PPFIA2: variants seen among roughly 807,000 people sequenced by gnomAD.
The protein encoded by PPFIA2 is PPFI scaffold protein A2.
In PPFIA2, 46 loss-of-function variants were observed where a neutral mutation model predicts 175.5. That is an observed-to-expected ratio of 0.26 (90% CI 0.21 to 0.34). The LOEUF (loss-of-function observed/expected upper bound fraction) is 0.34, where lower values mean the gene tolerates loss of function less well. PPFIA2 is among the 10% of genes least tolerant of loss of function. The pLI is 1.00. For synonymous variants in PPFIA2, 568 were observed against 511.4 expected (o/e 1.11, Z -1.49); for missense variants, 1,179 against 1,506.1 (o/e 0.78, Z 3.60).
chr12:81,733,665 T>C (rs1843469113), intron 3 of PPFIA2, among the ~76,000 whole-genome samples: 1 of 151,728 alleles, frequency 6.6e-6, no homozygotes. Flanking sequence ...GCAATGAATA[T>C]ATTGATCAAC....
At chr12:81,648,474 ATT>A (rs1030777320) in intron 4 of PPFIA2, among the ~76,000 whole-genome samples, 2 of 152,076 alleles carry the variant, frequency 1.3e-5, no homozygotes, top group Non-Finnish European at 2.9e-5. Context: ...TATTAAAACA[ATT>A]TTGAGAAAAT....
intron 4 of PPFIA2, among the ~76,000 whole-genome samples, chr12:81,596,779 G>T (rs2059294323): frequency 6.6e-6 from 1 of 152,050 alleles, no homozygotes; most frequent in African/African-American, 2.4e-5. Flanking sequence ...CTTGCATTTT[G>T]AATCACTGCC....
At chr12:81,735,169 TTTAA>T (rs1230108331) in intron 3 of PPFIA2, among the ~76,000 whole-genome samples, 4 of 151,826 alleles carry the variant, frequency 2.6e-5, no homozygotes, top group Non-Finnish European at 1.5e-5. Flanking sequence ...AGTAAATTTT[TTTAA>T]TTAAATAAAC....
At chr12:81,267,066 T>G in intron 29 of PPFIA2, 46 bp from the exon 30 acceptor site, 1 of 1,383,904 alleles carries the variant, frequency 7.2e-7, no homozygotes, top group Non-Finnish European at 1.0e-6. Context: ...TCACATTTTA[T>G]TTTAAAAATC....
intron 4 of PPFIA2, among the ~76,000 whole-genome samples, chr12:81,662,679 T>G (rs1373243300): frequency 1.3e-5 from 2 of 151,978 alleles, no homozygotes; most frequent in African/African-American, 2.4e-5. Flanking sequence ...GAAAAAGAAG[T>G]AATCCTCCCT....
intron 13 of PPFIA2, 122 bp from the exon 14 acceptor site, chr12:81,367,292 T>A: frequency 1.5e-6 from 1 of 671,902 alleles, no homozygotes; most frequent in Non-Finnish European, 2.1e-6. Context: ...CAGGTATTTC[T>A]TGGTTTCCAT....
At chr12:81,336,888 T>G (rs1464034319) in intron 21 of PPFIA2, among the ~76,000 whole-genome samples, 2 of 152,124 alleles carry the variant, frequency 1.3e-5, no homozygotes, top group Non-Finnish European at 2.9e-5. Context: ...GACATTAAAA[T>G]CATAATCACT....
In PPFIA2 at chr12:81,477,106, G is replaced by A. The variant is rs1338551831; in HGVS notation, c.304-19240C>T. 5.3e-5 allele frequency among the ~76,000 whole-genome samples: 8 copies of A among 152,134 alleles called. No individual in the cohort carries two copies. The South Asian group carries it at 1.0e-3, about 20-fold the overall frequency. ...TCAGGAAAAATAGCTAATGTATGCT[G>A]TGCTTAATACTTAGGTGATGGGTTG... On this transcript the variant is annotated intron_variant, in intron 4 of 32. Transcript: ENST00000549396.
chr12:81,706,062 AC>A (rs1435582234), intron 3 of PPFIA2, among the ~76,000 whole-genome samples: 2 of 152,204 alleles, frequency 1.3e-5, no homozygotes, highest in Non-Finnish European at 2.9e-5. Flanking sequence ...AAAATTTGAA[AC>A]TGCATGTGTA....
intron 4 of PPFIA2, among the ~76,000 whole-genome samples, chr12:81,518,602 A>G (rs900284345): frequency 1.6e-4 from 25 of 151,966 alleles, no homozygotes; most frequent in African/African-American, 5.3e-4. Flanking sequence ...ACAACCCATC[A>G]TGGTAAGCAC....
intron 4 of PPFIA2, among the ~76,000 whole-genome samples, chr12:81,566,084 A>G (rs1250619777): frequency 6.6e-6 from 1 of 152,186 alleles, no homozygotes; most frequent in African/African-American, 2.4e-5. Flanking sequence ...TCCCTCAGGG[A>G]AGCACCAGTC....
intron 4 of PPFIA2, among the ~76,000 whole-genome samples, chr12:81,653,155 G>T (rs1046233760): frequency 6.6e-6 from 1 of 151,946 alleles, no homozygotes; most frequent in Non-Finnish European, 1.5e-5. Context: ...TTAATTTTAA[G>T]AGCAACCAGC....
At chr12:81,561,822 T>A (rs1039919347) in intron 4 of PPFIA2, among the ~76,000 whole-genome samples, 1 of 152,216 alleles carries the variant, frequency 6.6e-6, no homozygotes, top group African/African-American at 2.4e-5. Flanking sequence ...CTTTACCATA[T>A]GTTCTTAAAA....
At position 81,605,687 on chromosome 12, in the gene PPFIA2, CTA is replaced by C. The variant is rs1567544431; in HGVS notation, c.303+71102_303+71103del. Among the ~76,000 whole-genome samples the C allele has an allele frequency of 7.2e-4, 107 of 148,512 alleles. 1 individual carries two copies. Among genetic ancestry groups the C allele is most frequent in the South Asian group, 2.3e-3 (11 of 4,750 alleles). On this transcript the variant is annotated intron_variant, in intron 4 of 32. Coordinates refer to ENST00000549396, the MANE Select transcript of PPFIA2 (RefSeq NM_003625.5). The stretch of plus-strand genomic sequence containing the variant: ...TCTATCTATCTATCTATCTATCTAT[CTA>C]TCTAATCTGTCTATAATTTCTCTAT...
In PPFIA2 at chr12:81,358,197, G is replaced by A. The variant is rs1360107666; in HGVS notation, c.1658C>T (p.Ala553Val). The change falls in exon 16 of 33, where the codon GCT becomes GTT. Residue 553 changes from alanine (A) to valine (V), a missense_variant. Coordinates refer to ENST00000549396, the MANE Select transcript of PPFIA2 (RefSeq NM_003625.5). ...GGATCCCACTGAGTACCGCAACTCA[G>A]CTGAGGTGTCTAGATGAGTTCTGGA... ...TIPRTHLDTS[A>V]ELRYSVGSLV... 6.3e-6 allele frequency: 10 copies of A among 1,590,590 alleles called. No individual in the cohort carries two copies. The East Asian group carries it at 2.1e-4, about 33-fold the overall frequency.
At chr12:81,383,965 CAG>C in intron 9 of PPFIA2, 56 bp downstream of exon 9, 5 of 1,348,530 alleles carry the variant, frequency 3.7e-6, no homozygotes, top group Non-Finnish European at 5.3e-6. Flanking sequence ...ATTATGGAAA[CAG>C]TATCTCAGAA....
At chr12:81,742,592 A>AT (rs775479702) in intron 3 of PPFIA2, among the ~76,000 whole-genome samples, 11 of 152,238 alleles carry the variant, frequency 7.2e-5, no homozygotes, top group Non-Finnish European at 1.5e-4. Context: ...ACGTTAGACA[A>AT]TAAGTGTCTG....
chr12:81,371,955 G>T (rs2035247593), intron 11 of PPFIA2, among the ~76,000 whole-genome samples: 1 of 150,092 alleles, frequency 6.7e-6, no homozygotes, highest in Non-Finnish European at 1.5e-5. Context: ...AAACACATTA[G>T]AAGGAGAAAA....
At chr12:81,707,084 G>C (rs1348797276) in intron 3 of PPFIA2, among the ~76,000 whole-genome samples, 5 of 152,080 alleles carry the variant, frequency 3.3e-5, no homozygotes, top group Non-Finnish European at 7.3e-5. Context: ...AAAAACCTAG[G>C]CATTACCATT....
Sources: allele counts gnomAD v4.1 joint callset (sites outside exome capture counted in the v4.1 genomes callset), GRCh38; gene constraint gnomAD v4.1.1; transcripts MANE v1.5; gene names NCBI Gene and HGNC (gene_info 2026-07-23, HGNC 2026-07-21).